Variants in MAML3 observed in about 807,000 individuals in gnomAD.
MAML3 encodes mastermind-like protein 3.
A neutral mutation model predicts 101.9 loss-of-function variants in MAML3; 27 were observed. The observed-to-expected ratio is 0.27, with a 90% confidence interval of 0.20 to 0.37. The LOEUF (loss-of-function observed/expected upper bound fraction) is 0.37, where lower values mean the gene tolerates loss of function less well. Ranked by LOEUF, MAML3 falls within the 10% of genes least tolerant of loss-of-function variation. The probability of loss-of-function intolerance (pLI) is 1.00; values close to 1 mark genes in which losing one functional copy is unlikely to be tolerated. For missense variants in MAML3, 1,316 were observed against 1,444.9 expected, an observed-to-expected ratio of 0.91 and a Z score of 1.45; for synonymous variants, 501 against 555.9, an observed-to-expected ratio of 0.90 and a Z score of 1.39.
intron 1 of MAML3, among the ~76,000 whole-genome samples, chr4:140,130,814 T>C (rs1199964322): frequency 6.6e-6 from 1 of 152,106 alleles, no homozygotes; most frequent in Non-Finnish European, 1.5e-5. Flanking sequence ...CAAGAAACAT[T>C]TATTGAGTTC....
chr4:139,988,865 C>T (rs568324266), intron 1 of MAML3, among the ~76,000 whole-genome samples: 2 of 152,268 alleles, frequency 1.3e-5, no homozygotes, highest in African/African-American at 2.4e-5. Context: ...GTGAGAAGGA[C>T]GTGTCCTTAT....
intron 1 of MAML3, among the ~76,000 whole-genome samples, chr4:140,042,373 G>A (rs920671494): frequency 3.9e-5 from 6 of 152,156 alleles, no homozygotes; most frequent in East Asian, 1.9e-4. Flanking sequence ...AGAGCCTCAC[G>A]CCTGTAATCC....
intron 1 of MAML3, among the ~76,000 whole-genome samples, chr4:140,105,684 A>G (rs906584445): frequency 2.6e-4 from 40 of 152,182 alleles, no homozygotes; most frequent in Admixed American, 1.4e-3. Flanking sequence ...TTAATAAGTG[A>G]GCATGTAACT....
At chr4:139,906,813 T>C (rs1732831181) in intron 1 of MAML3, among the ~76,000 whole-genome samples, 1 of 152,236 alleles carries the variant, frequency 6.6e-6, no homozygotes, top group Admixed American at 6.5e-5. Flanking sequence ...TTTTGCATGG[T>C]TATAGCTCTC....
At chr4:139,860,657 C>T (rs1007686783) in intron 2 of MAML3, among the ~76,000 whole-genome samples, 1 of 152,216 alleles carries the variant, frequency 6.6e-6, no homozygotes, top group Admixed American at 6.5e-5. Flanking sequence ...CTGGCTCCAG[C>T]TTAGGCTGTG....
chr4:139,981,725 G>T (rs535508359), intron 1 of MAML3, among the ~76,000 whole-genome samples: 1 of 152,124 alleles, frequency 6.6e-6, no homozygotes, highest in South Asian at 2.1e-4. Flanking sequence ...GGCTTTCCTT[G>T]TTATAGATAA....
intron 2 of MAML3, among the ~76,000 whole-genome samples, chr4:139,814,025 A>AACACAAACACACACACACACACACAC (rs71584334): frequency 6.9e-6 from 1 of 145,032 alleles, no homozygotes; most frequent in Admixed American, 7.0e-5. Context: ...CACAAACACA[A>AACACAAACACACACACACACACACAC]ACACACACAC....
At chr4:139,751,697 TGGACCCCA>T (rs752238433) in intron 2 of MAML3, among the ~76,000 whole-genome samples, 4 of 152,162 alleles carry the variant, frequency 2.6e-5, no homozygotes, top group Non-Finnish European at 5.9e-5. Flanking sequence ...GTGGGTTTGA[TGGACCCCA>T]GGGAGCCAGT....
intron 2 of MAML3, among the ~76,000 whole-genome samples, chr4:139,747,432 G>T (rs916151692): frequency 6.6e-6 from 1 of 152,196 alleles, no homozygotes; most frequent in Non-Finnish European, 1.5e-5. Context: ...AGTGGCTCAC[G>T]CCTGTAATCC....
chr4:140,142,966 T>G (rs1433682425), intron 1 of MAML3, among the ~76,000 whole-genome samples: 3 of 152,184 alleles, frequency 2.0e-5, no homozygotes, highest in Non-Finnish European at 4.4e-5. Flanking sequence ...ACCTTAATCT[T>G]ATTCCCCACC....
At chr4:139,985,226 A>G (rs1734514489) in intron 1 of MAML3, among the ~76,000 whole-genome samples, 1 of 152,228 alleles carries the variant, frequency 6.6e-6, no homozygotes, top group South Asian at 2.1e-4. Context: ...GCACAAGCCA[A>G]GTCTAGAAGT....
intron 1 of MAML3, among the ~76,000 whole-genome samples, chr4:140,035,620 A>G (rs913184255): frequency 1.4e-4 from 21 of 151,818 alleles, no homozygotes; most frequent in African/African-American, 5.1e-4. Flanking sequence ...CACAGTGAAA[A>G]CCCGTCTACT....
intron 1 of MAML3, among the ~76,000 whole-genome samples, chr4:139,961,113 G>C (rs1734004527): frequency 6.6e-6 from 1 of 152,194 alleles, no homozygotes; most frequent in Admixed American, 6.5e-5. Flanking sequence ...AGAAGCACTA[G>C]CCATCCTCCC....
Position 139,972,174 on chromosome 4 carries a change from A to G in MAML3, c.469-81207T>C, listed in dbSNP as rs566021296. On this transcript the variant is annotated intron_variant, in intron 1 of 4. Coordinates refer to ENST00000509479, the MANE Select transcript of MAML3 (RefSeq NM_018717.5). The stretch of plus-strand genomic sequence containing the variant: ...AGATCATCCTGTCACCCAGGTATTA[A>G]GCCCAGTATCCATTAGCTATTTTTC... Among the ~76,000 whole-genome samples the G allele has an allele frequency of 2.6e-5, 4 of 152,214 alleles. No homozygotes were observed. The East Asian group carries it at 7.7e-4, about 29-fold the overall frequency.
chr4:139,921,194 C>G (rs1166911923), intron 1 of MAML3, among the ~76,000 whole-genome samples: 2 of 152,172 alleles, frequency 1.3e-5, no homozygotes, highest in Non-Finnish European at 2.9e-5. Flanking sequence ...GCTAGCCTAT[C>G]TACTGCCCCT....
intron 1 of MAML3, among the ~76,000 whole-genome samples, chr4:139,964,339 C>T (rs1346018525): frequency 6.6e-6 from 1 of 151,938 alleles, no homozygotes; most frequent in Non-Finnish European, 1.5e-5. Context: ...AACACAGGAA[C>T]AAAAAACCAA....
At chr4:139,923,085 C>T (rs59671269) in intron 1 of MAML3, among the ~76,000 whole-genome samples, 3,824 of 152,296 alleles carry the variant, frequency 0.025, 145 homozygotes, top group African/African-American at 0.086. Flanking sequence ...TATAAAAGCA[C>T]ATTGACAGGG....
chr4:139,782,242 A>C (rs1730228879), intron 2 of MAML3, among the ~76,000 whole-genome samples: 1 of 152,204 alleles, frequency 6.6e-6, no homozygotes, highest in African/African-American at 2.4e-5. Context: ...AGTTCACTGC[A>C]GCCTCAAACT....
chr4:139,969,268 G>A (rs932131048), intron 1 of MAML3, among the ~76,000 whole-genome samples: 3 of 151,138 alleles, frequency 2.0e-5, no homozygotes, highest in African/African-American at 2.4e-5. Flanking sequence ...CACCATCCCC[G>A]CCGTGGGATA....
Sources: gnomAD v4.1 joint callset for allele counts (sites outside exome capture counted in the v4.1 genomes callset) on GRCh38, gnomAD v4.1.1 for gene constraint, MANE v1.5 for transcripts, NCBI Gene and HGNC (gene_info 2026-07-23, HGNC 2026-07-21) for gene names.